Variants in CRPPA observed in about 807,000 individuals in gnomAD.
CRPPA encodes the protein D-ribitol-5-phosphate cytidylyltransferase.
CRPPA carries 43 observed loss-of-function variants against 52.0 expected under a neutral mutation model. The ratio of observed to expected loss-of-function variants is 0.83; its 90% CI spans 0.65 to 1.07. The LOEUF is 1.07. Ranked by LOEUF, CRPPA falls within the 50% of genes least tolerant of loss-of-function variation. CRPPA has a pLI of 0.00. For synonymous variants in CRPPA, 250 were observed against 203.5 expected (o/e 1.23, Z -1.94); for missense variants, 629 against 551.7 (o/e 1.14, Z -1.40).
chr7:16,365,874 C>T (rs1439104607), intron 3 of CRPPA, among the ~76,000 whole-genome samples: 1 of 152,092 alleles, frequency 6.6e-6, no homozygotes, highest in Non-Finnish European at 1.5e-5. Flanking sequence ...AGGATGTATA[C>T]AAAACCCTAC....
At chr7:16,109,924 T>G (rs935939109) in intron 9 of CRPPA, among the ~76,000 whole-genome samples, 1 of 152,032 alleles carries the variant, frequency 6.6e-6, no homozygotes, top group Non-Finnish European at 1.5e-5. Context: ...ACTTCTATTT[T>G]ATAGAATATT....
chr7:16,304,000 G>A (rs1583504718), intron 4 of CRPPA, among the ~76,000 whole-genome samples: 1 of 152,142 alleles, frequency 6.6e-6, no homozygotes, highest in South Asian at 2.1e-4. Context: ...TGTATGGCTT[G>A]AAGATGGTTT....
chr7:16,351,540 CA>C (rs1786152605), intron 3 of CRPPA, among the ~76,000 whole-genome samples: 1 of 151,870 alleles, frequency 6.6e-6, no homozygotes, highest in Non-Finnish European at 1.5e-5. Context: ...CCAGAATATA[CA>C]AGGAACTTAA....
Position 16,286,064 on chromosome 7 carries a change from T to TTTAAAA in CRPPA, c.836-7839_836-7838insTTTTAA, listed in dbSNP as rs1562608509. 6.7e-5 allele frequency among the ~76,000 whole-genome samples: 2 copies of TTTAAAA among 29,770 alleles called. 1 individual carries two copies. The highest frequency in any genetic ancestry group is 1.2e-4 in the Non-Finnish European group (2 of 17,062). 19.5% of individuals were successfully genotyped at this position (29,770 alleles called of 152,430 possible). On this transcript the variant is annotated intron_variant, in intron 5 of 9. Coordinates refer to ENST00000407010, the MANE Select transcript of CRPPA (RefSeq NM_001101426.4). The stretch of plus-strand genomic sequence containing the variant: ...ATATAAATATATATATATATATATA[T>TTTAAAA]ATATATATATATATATAATATTTAA...
intron 9 of CRPPA, among the ~76,000 whole-genome samples, chr7:16,187,279 A>G (rs983737111): frequency 6.6e-6 from 1 of 152,192 alleles, no homozygotes; most frequent in African/African-American, 2.4e-5. Flanking sequence ...TAGTCATGGT[A>G]CACTAAAAAC....
At chr7:16,209,290 T>TTTTTTTTTTTTTTTTTTTTTTTG (rs1782063195) in intron 9 of CRPPA, 1 of 197,646 alleles carries the variant, frequency 5.1e-6, no homozygotes, top group African/African-American at 2.5e-5. Context: ...TTTTTTTTTT[T>TTTTTTTTTTTTTTTTTTTTTTTG]GAGACGAGTC....
At position 16,128,217 on chromosome 7, in the gene CRPPA, G is replaced by A. The variant is rs561976080; in HGVS notation, c.1252-36418C>T. 3.3e-5 allele frequency among the ~76,000 whole-genome samples: 5 copies of A among 151,946 alleles called. No individual in the cohort carries two copies. In the South Asian group the frequency reaches 8.3e-4, roughly 25 times the overall value. On this transcript the variant is annotated intron_variant, in intron 9 of 9. Coordinates refer to ENST00000407010, the MANE Select transcript of CRPPA (RefSeq NM_001101426.4). Reference sequence around the variant, plus strand: ...ATAATCTGTACAGCAAACCACCATGGCACACGTTTACCTATATAGCAAACC... The same window carrying A: ...ATAATCTGTACAGCAAACCACCATGACACACGTTTACCTATATAGCAAACC...
intron 9 of CRPPA, among the ~76,000 whole-genome samples, chr7:16,117,206 G>A (rs909031439): frequency 1.3e-5 from 2 of 152,132 alleles, no homozygotes; most frequent in South Asian, 2.1e-4. Flanking sequence ...CATGTGAATC[G>A]GTTGTTTCTC....
intron 8 of CRPPA, among the ~76,000 whole-genome samples, chr7:16,252,624 T>C (rs935722547): frequency 6.6e-6 from 1 of 152,152 alleles, no homozygotes; most frequent in Non-Finnish European, 1.5e-5. Flanking sequence ...CCTCATAAAA[T>C]GAGTTAGAGA....
At chr7:16,211,882 A>G (rs1470423676) in intron 9 of CRPPA, among the ~76,000 whole-genome samples, 1 of 152,188 alleles carries the variant, frequency 6.6e-6, no homozygotes, top group Admixed American at 6.5e-5. Context: ...GACAATAGAG[A>G]AGAACAATTG....
intron 2 of CRPPA, among the ~76,000 whole-genome samples, chr7:16,383,215 G>T (rs1431044052): frequency 6.6e-6 from 1 of 152,170 alleles, no homozygotes; most frequent in Non-Finnish European, 1.5e-5. Context: ...CTAACAGACA[G>T]GACCCTCAGC....
chr7:16,202,422 G>A (rs1168476020), intron 9 of CRPPA, among the ~76,000 whole-genome samples: 1 of 152,148 alleles, frequency 6.6e-6, no homozygotes, highest in Non-Finnish European at 1.5e-5. Context: ...GCTTATAAGT[G>A]TTTGTTCATA....
At chr7:16,308,129 C>A (rs1784953900) in intron 4 of CRPPA, among the ~76,000 whole-genome samples, 1 of 152,008 alleles carries the variant, frequency 6.6e-6, no homozygotes, top group African/African-American at 2.4e-5. Flanking sequence ...TGGAAGCCTC[C>A]TGAGGCCTCT....
chr7:16,150,406 A>G (rs1331099188), intron 9 of CRPPA, among the ~76,000 whole-genome samples: 1 of 152,204 alleles, frequency 6.6e-6, no homozygotes, highest in East Asian at 1.9e-4. Flanking sequence ...GGAAGATGTT[A>G]AAGGGATGCT....
chr7:16,402,152 A>G (rs777526906), intron 2 of CRPPA, among the ~76,000 whole-genome samples: 16 of 152,242 alleles, frequency 1.1e-4, no homozygotes, highest in Non-Finnish European at 1.9e-4. Flanking sequence ...AGAGACACTC[A>G]CAAGTGAAGG....
At chr7:16,139,021 C>T (rs1293906670) in intron 9 of CRPPA, among the ~76,000 whole-genome samples, 1 of 152,130 alleles carries the variant, frequency 6.6e-6, no homozygotes, top group African/African-American at 2.4e-5. Flanking sequence ...AGGTTGGTCT[C>T]AAACTCCTGA....
chr7:16,200,115 C>A (rs1300089922), intron 9 of CRPPA, among the ~76,000 whole-genome samples: 1 of 152,132 alleles, frequency 6.6e-6, no homozygotes, highest in East Asian at 1.9e-4. Context: ...ACCTTGGCCT[C>A]CCAAAGTGCT....
At chr7:16,353,907 T>C (rs1007468049) in intron 3 of CRPPA, among the ~76,000 whole-genome samples, 2 of 152,116 alleles carry the variant, frequency 1.3e-5, no homozygotes, top group Non-Finnish European at 1.5e-5. Flanking sequence ...ATTCAGGTGA[T>C]GGGTATAGTA....
intron 9 of CRPPA, among the ~76,000 whole-genome samples, chr7:16,194,537 G>C (rs1232751076): frequency 6.6e-6 from 1 of 152,110 alleles, no homozygotes; most frequent in Non-Finnish European, 1.5e-5. Flanking sequence ...TATCGGAAAA[G>C]AGAAAACCTA....
Sources: gnomAD v4.1 joint callset for allele counts (sites outside exome capture counted in the v4.1 genomes callset) on GRCh38, gnomAD v4.1.1 for gene constraint, MANE v1.5 for transcripts, NCBI Gene and HGNC (gene_info 2026-07-23, HGNC 2026-07-21) for gene names.